The following HECTD4 variants were observed in gnomAD, a reference collection of about 807,000 sequenced individuals.
The protein encoded by HECTD4 is probable E3 ubiquitin-protein ligase HECTD4.
Under a neutral mutation model 471.5 loss-of-function variants are expected in HECTD4, and 114 were observed. That is an observed-to-expected ratio of 0.24 (90% CI 0.21 to 0.28). The LOEUF (loss-of-function observed/expected upper bound fraction) is 0.28. Among genes scored for constraint, HECTD4 ranks in the 10% least tolerant of loss-of-function variants. The pLI, the probability that HECTD4 is intolerant of heterozygous loss-of-function variation, is 1.00. For missense variants in HECTD4, 3,866 were observed against 5,651.5 expected (o/e 0.68, Z 10.13); for synonymous variants, 2,012 against 2,256.0 (o/e 0.89, Z 3.07).
chr12:112,262,110 TA>T (rs2034157797), intron 17 of HECTD4: 1 of 152,130 alleles, frequency 6.6e-6, no homozygotes, highest in Non-Finnish European at 1.5e-5. Flanking sequence ...TATTTTCAGT[TA>T]AAAAAATACA....
intron 1 of HECTD4, among the ~76,000 whole-genome samples, chr12:112,332,898 T>C (rs567742348): frequency 1.3e-5 from 2 of 152,268 alleles, no homozygotes; most frequent in Non-Finnish European, 2.9e-5. Context: ...CACTATTCTA[T>C]TTTCTATATT....
chr12:112,169,475 G>T, intron 70 of HECTD4, 28 bp downstream of exon 70: 1 of 1,588,934 alleles, frequency 6.3e-7, no homozygotes, highest in Non-Finnish European at 8.6e-7. Context: ...AGCTCCTCCA[G>T]CGTGGAGCCT....
intron 60 of HECTD4, among the ~76,000 whole-genome samples, chr12:112,186,557 G>A (rs2031870418): frequency 6.6e-6 from 1 of 151,246 alleles, no homozygotes; most frequent in Non-Finnish European, 1.5e-5. Context: ...GGCTGGTCTT[G>A]AACTCCTGAC....
rs2033913872 is a variant in HECTD4, at chr12:112,252,439, G to A, written c.3537C>T (p.Cys1179=). 1.9e-6 allele frequency: 3 copies of A among 1,606,894 alleles called. No homozygotes were observed. Among genetic ancestry groups the A allele is most frequent in the African/African-American group, 2.7e-5 (2 of 74,516 alleles). ...TPDKAMWGFA[C]TVRAQESSED... ...ATTCAAGTACCTGAGCGCGAACTGTGCAAGCAAAGCCCCACATGGCTTTAT... is the reference window on the plus strand; with the variant it reads ...ATTCAAGTACCTGAGCGCGAACTGTACAAGCAAAGCCCCACATGGCTTTAT... Residue 1179 remains cysteine (C), a synonymous_variant, in exon 23 of 76, where the codon TGC becomes TGT. Coordinates refer to ENST00000682272, the MANE Select transcript of HECTD4 (RefSeq NM_001388303.1).
At chr12:112,215,117 C>T (rs552965210) in intron 48 of HECTD4, among the ~76,000 whole-genome samples, 1 of 152,286 alleles carries the variant, frequency 6.6e-6, no homozygotes, top group Admixed American at 6.5e-5. Context: ...TGCACCACTG[C>T]ACTCCAGCCT....
Position 112,228,573 on chromosome 12 carries a change from A to G in HECTD4, c.6684+74T>C. ...ATCAAGCATTTGTGCTTCTGCACTG[A>G]GCATGTGCATAGACTCATTACAGTA... On this transcript the variant is annotated intron_variant, in intron 42 of 75. Coordinates refer to ENST00000682272, the MANE Select transcript of HECTD4 (RefSeq NM_001388303.1). This position sits in a 1 kb window ranked among gnomAD's most constrained non-coding sequence, Gnocchi z 4.9. 7.7e-7 allele frequency: 1 copy of G among 1,299,320 alleles called. No homozygotes were observed. Among genetic ancestry groups the G allele is most frequent in the Non-Finnish European group, 1.1e-6 (1 of 940,762 alleles). The allele number at this position is 1,299,320 out of a possible 1,614,324, so 80.5% of individuals were successfully genotyped here. A position where few individuals can be genotyped will look rare whatever the true frequency, so the allele number is the denominator to read the frequency against.
At chr12:112,337,975 G>T (rs949739107) in intron 1 of HECTD4, among the ~76,000 whole-genome samples, 31 of 152,160 alleles carry the variant, frequency 2.0e-4, no homozygotes, top group Non-Finnish European at 4.0e-4. Flanking sequence ...AGTTTCCTGT[G>T]CCTACTGTAA....
At chr12:112,201,306 G>A in intron 54 of HECTD4, 1 of 257,650 alleles carries the variant, frequency 3.9e-6, no homozygotes, top group South Asian at 3.5e-5. Flanking sequence ...TGGCCAGGCT[G>A]GTCTTAAACT....
At chr12:112,187,914 C>A (rs1566065731) in intron 60 of HECTD4, among the ~76,000 whole-genome samples, 1 of 152,052 alleles carries the variant, frequency 6.6e-6, no homozygotes, top group Non-Finnish European at 1.5e-5. Context: ...GCATGAGCCA[C>A]TGTGCCCAGC....
chr12:112,279,454 G>C, intron 8 of HECTD4, 68 bp from the exon 9 acceptor site: 1 of 1,362,738 alleles, frequency 7.3e-7, no homozygotes. Context: ...TACCAACACA[G>C]ATTAGGATAT....
intron 1 of HECTD4, among the ~76,000 whole-genome samples, chr12:112,380,400 G>A (rs1471068268): frequency 6.6e-6 from 1 of 151,784 alleles, no homozygotes; most frequent in Non-Finnish European, 1.5e-5. Context: ...GGCTGAGATC[G>A]CGCCACTGCA....
At chr12:112,342,988 CTG>C (rs1458162436) in intron 1 of HECTD4, among the ~76,000 whole-genome samples, 2 of 152,222 alleles carry the variant, frequency 1.3e-5, no homozygotes, top group Non-Finnish European at 2.9e-5. Flanking sequence ...TTACAACACT[CTG>C]TAACACTCAG....
intron 29 of HECTD4, among the ~76,000 whole-genome samples, chr12:112,244,816 CTT>C (rs2033722347): frequency 6.6e-6 from 1 of 152,106 alleles, no homozygotes; most frequent in African/African-American, 2.4e-5. Context: ...AAATATTACA[CTT>C]GAGTTGGAAT....
At chr12:112,290,029 A>G (rs369330922) in intron 7 of HECTD4, among the ~76,000 whole-genome samples, 1 of 152,234 alleles carries the variant, frequency 6.6e-6, no homozygotes, top group African/African-American at 2.4e-5. Flanking sequence ...TCTAGCATTT[A>G]AAGAAGTCAG....
In HECTD4 at chr12:112,184,898, G is replaced by A; in HGVS notation, c.10068C>T (p.Arg3356=). The A allele has an allele frequency of 6.2e-7, 1 of 1,613,002 alleles. No homozygotes were observed. Among genetic ancestry groups the A allele is most frequent in the Non-Finnish European group, 8.5e-7 (1 of 1,179,328 alleles). Residue 3356 remains arginine (R), a synonymous_variant, in exon 61 of 76, where the codon CGC becomes CGT. Transcript: ENST00000682272. The surrounding 1 kb of genome is among the most constrained non-coding windows in gnomAD (Gnocchi z 9.1). The part of the protein sequence containing the change: ...SKPEDMLWFH[R]ALTLLIILRH... ...GGAGGATGATGAGCAGGGTGAGTGC[G>A]CGGTGGAACCACAGCATGTCCTCGG...
At chr12:112,350,566 G>T (rs2036233176) in intron 1 of HECTD4, among the ~76,000 whole-genome samples, 1 of 152,044 alleles carries the variant, frequency 6.6e-6, no homozygotes, top group African/African-American at 2.4e-5. Context: ...AGTCAAACAG[G>T]CCCTCCCCAA....
intron 37 of HECTD4, among the ~76,000 whole-genome samples, chr12:112,233,898 T>C (rs1372603110): frequency 2.0e-5 from 3 of 152,206 alleles, no homozygotes; most frequent in Non-Finnish European, 2.9e-5. Flanking sequence ...CCCTGGACAC[T>C]TGAGACTTTA....
intron 1 of HECTD4, among the ~76,000 whole-genome samples, chr12:112,358,672 T>C (rs1594072663): frequency 6.6e-6 from 1 of 152,170 alleles, no homozygotes; most frequent in Non-Finnish European, 1.5e-5. Flanking sequence ...CGAATCATAA[T>C]TGACGACACC....
chr12:112,195,837 TCAA>T (rs1324314595), intron 55 of HECTD4, among the ~76,000 whole-genome samples: 1 of 152,208 alleles, frequency 6.6e-6, no homozygotes, highest in Admixed American at 6.5e-5. Flanking sequence ...TGATCGGCAT[TCAA>T]CTTGAATAAT....
Sources: gnomAD v4.1 joint callset for allele counts (sites outside exome capture counted in the v4.1 genomes callset) on GRCh38, gnomAD v4.1.1 for gene constraint, Gnocchi (gnomAD v3.1) non-coding constraint, MANE v1.5 for transcripts, NCBI Gene and HGNC (gene_info 2026-07-23, HGNC 2026-07-21) for gene names.